The following ATP5MC2 variants were observed in gnomAD, a reference collection of about 807,000 sequenced individuals.
ATP5MC2 encodes the protein ATP synthase F(0) complex subunit C2, mitochondrial.
In ATP5MC2, 11 loss-of-function variants were observed where a neutral mutation model predicts 13.5. That is an observed-to-expected ratio of 0.81 (90% CI 0.51 to 1.35). The LOEUF (loss-of-function observed/expected upper bound fraction) is 1.35, where lower values mean the gene tolerates loss of function less well. Among genes scored for constraint, ATP5MC2 ranks in the 40% most tolerant of loss-of-function variants. The probability of loss-of-function intolerance (pLI) is 0.00; values close to 1 mark genes in which losing one functional copy is unlikely to be tolerated. For missense variants in ATP5MC2, 132 were observed against 175.0 expected, an observed-to-expected ratio of 0.75 and a Z score of 1.39; for synonymous variants, 64 against 69.7, an observed-to-expected ratio of 0.92 and a Z score of 0.41.
chr12:53,677,408 C>G (rs184281575), upstream of ATP5MC2: 2 of 152,224 alleles, frequency 1.3e-5, no homozygotes, highest in African/African-American at 2.4e-5. Context: ...TGTAATTTTG[C>G]CCGGATGAGG....
intron 2 of ATP5MC2, 118 bp downstream of exon 2, chr12:53,672,458 G>A: frequency 9.0e-7 from 1 of 1,113,650 alleles, no homozygotes; most frequent in Non-Finnish European, 1.3e-6. Flanking sequence ...CTGGCCTCAA[G>A]TGATCTGCCC....
At chr12:53,676,450 T>C, upstream of ATP5MC2, 1 of 462,912 alleles carries the variant, frequency 2.2e-6, no homozygotes, top group East Asian at 4.0e-5. Context: ...ACGGTCGGGA[T>C]TGGGGTTCAG....
intron 3 of ATP5MC2, among the ~76,000 whole-genome samples, 154 bp downstream of exon 3, chr12:53,669,717 G>A (rs1800633): frequency 0.29 from 44,362 of 152,074 alleles, 6,573 homozygotes; most frequent in East Asian, 0.37. Context: ...AGTGTATTAA[G>A]TGTCCTCCAT....
chr12:53,665,541 A>G, intron 4 of ATP5MC2, 113 bp from the exon 5 acceptor site: 1 of 918,180 alleles, frequency 1.1e-6, no homozygotes, highest in East Asian at 2.6e-5. Context: ...TCACATAATA[A>G]AGAAGCTTTT....
chr12:53,665,943 T>C (rs1944901906), intron 4 of ATP5MC2, among the ~76,000 whole-genome samples: 2 of 152,328 alleles, frequency 1.3e-5, no homozygotes, highest in South Asian at 4.1e-4. Context: ...ACCGCTCTTC[T>C]AGAAGACAAG....
At chr12:53,672,820 C>T (rs1184424303) in intron 1 of ATP5MC2, 175 bp from the exon 2 acceptor site, 1 of 598,158 alleles carries the variant, frequency 1.7e-6, no homozygotes. Context: ...AAACCCCACA[C>T]AGCTCCCAAG....
intron 1 of ATP5MC2, chr12:53,673,977 T>A (rs1945192391): frequency 6.5e-6 from 1 of 153,742 alleles, no homozygotes; most frequent in Non-Finnish European, 1.5e-5. Flanking sequence ...GAGAAGCCCA[T>A]CTGAACTAGA....
upstream of ATP5MC2, among the ~76,000 whole-genome samples, chr12:53,679,220 C>T (rs1027456609): frequency 1.2e-4 from 16 of 135,378 alleles, no homozygotes; most frequent in African/African-American, 4.9e-4. Context: ...ACGAAAGAAA[C>T]AGGAGTGATT....
chr12:53,680,097 T>C (rs1321308203), upstream of ATP5MC2, among the ~76,000 whole-genome samples: 1 of 152,226 alleles, frequency 6.6e-6, no homozygotes, highest in Non-Finnish European at 1.5e-5. Context: ...TTGATCCACC[T>C]GCCTCAGCCT....
At chr12:53,666,055 C>T (rs900790217) in intron 4 of ATP5MC2, among the ~76,000 whole-genome samples, 3 of 152,204 alleles carry the variant, frequency 2.0e-5, no homozygotes, top group African/African-American at 7.2e-5. Context: ...CACCTGTAAT[C>T]CCAGCACTTT....
chr12:53,667,827 C>A (rs897878927), intron 4 of ATP5MC2, among the ~76,000 whole-genome samples: 1 of 151,844 alleles, frequency 6.6e-6, no homozygotes, highest in African/African-American at 2.4e-5. Flanking sequence ...CATACAAAAC[C>A]TGGCTATGGC....
intron 3 of ATP5MC2, 115 bp downstream of exon 3, chr12:53,669,756 T>C: frequency 9.0e-7 from 1 of 1,110,242 alleles, no homozygotes; most frequent in South Asian, 1.4e-5. Flanking sequence ...GCCTTGGCCA[T>C]TCATGAATTT....
At chr12:53,668,362 T>G (rs1483766682) in intron 4 of ATP5MC2, among the ~76,000 whole-genome samples, 1 of 151,284 alleles carries the variant, frequency 6.6e-6, no homozygotes, top group East Asian at 2.0e-4. Flanking sequence ...AGTGGCATGA[T>G]CTCGGCTCAC....
chr12:53,675,982 G>C (rs918421362), intron 1 of ATP5MC2, 71 bp downstream of exon 1: 3 of 1,576,926 alleles, frequency 1.9e-6, no homozygotes, highest in Admixed American at 1.8e-5. Context: ...GCGCCTCAAA[G>C]CATCCGCGCA....
chr12:53,665,453 C>T, intron 4 of ATP5MC2, 25 bp from the exon 5 acceptor site: 1 of 1,557,168 alleles, frequency 6.4e-7, no homozygotes, highest in Non-Finnish European at 8.9e-7. Flanking sequence ...AGAGAAAAGA[C>T]TGAATTTCTA....
At chr12:53,681,006 A>C (rs1268665494), upstream of ATP5MC2, among the ~76,000 whole-genome samples, 1 of 152,010 alleles carries the variant, frequency 6.6e-6, no homozygotes, top group Non-Finnish European at 1.5e-5. Flanking sequence ...TCCTGGGTTC[A>C]AGCAATTCTC....
chr12:53,669,898 C>T lies in ATP5MC2; in HGVS notation c.90G>A (p.Leu30=). 6.2e-7 allele frequency: 1 copy of T among 1,612,074 alleles called. No homozygotes were observed. Among genetic ancestry groups the T allele is most frequent in the Non-Finnish European group, 8.5e-7 (1 of 1,179,150 alleles). ...LLSRPLSAVV[L]KRPEILTDES... Reference sequence around the variant, plus strand: ...CATCTGTCAGTATCTCCGGTCGTTTCAGCACCACTGCAGATAGCGGACGGC... The same window carrying T: ...CATCTGTCAGTATCTCCGGTCGTTTTAGCACCACTGCAGATAGCGGACGGC... The change falls in exon 3 of 5, where the codon CTG becomes CTA. Residue 30 remains leucine, a synonymous_variant. Coordinates refer to ENST00000394349, the MANE Select transcript of ATP5MC2 (RefSeq NM_005176.7).
intron 4 of ATP5MC2, among the ~76,000 whole-genome samples, chr12:53,667,981 A>G (rs1323121132): frequency 1.9e-5 from 1 of 53,494 alleles, no homozygotes; most frequent in African/African-American, 1.1e-4. Context: ...ATATATATAT[A>G]TATATATATA....
At position 53,665,338 on chromosome 12, in the gene ATP5MC2, G is replaced by A. The variant is rs766189997; in HGVS notation, c.402C>T (p.Ala134=). Residue 134 remains alanine (A), a synonymous_variant, in exon 5 of 5, where the codon GCC becomes GCT. Transcript: ENST00000394349. ...TTCACATGGCAAAGAGGATGAGAAA[G>A]GCTACCATCAGACAAAAGAGCCCCA... The part of the protein sequence containing the change: ...EAMGLFCLMV[A]FLILFAM 6.2e-7 allele frequency: 1 copy of A among 1,613,004 alleles called. No homozygotes were observed. The highest frequency in any genetic ancestry group is 1.7e-5 in the Admixed American group (1 of 59,678).
Sources: allele counts gnomAD v4.1 joint callset (sites outside exome capture counted in the v4.1 genomes callset), GRCh38; gene constraint gnomAD v4.1.1; transcripts MANE v1.5; gene names NCBI Gene and HGNC (gene_info 2026-07-23, HGNC 2026-07-21).